Variants in DENND1B observed in about 807,000 individuals in gnomAD.
The protein encoded by DENND1B is DENN domain-containing protein 1B.
A neutral mutation model predicts 90.1 loss-of-function variants in DENND1B; 59 were observed. That is an observed-to-expected ratio of 0.65 (90% CI 0.53 to 0.81). DENND1B has a LOEUF of 0.81. DENND1B is among the 40% of genes least tolerant of loss of function. The pLI, the probability that DENND1B is intolerant of heterozygous loss-of-function variation, is 0.00. For missense variants in DENND1B, 862 were observed against 912.6 expected, an observed-to-expected ratio of 0.94 and a Z score of 0.71; for synonymous variants, 337 against 324.6, an observed-to-expected ratio of 1.04 and a Z score of -0.41.
intron 2 of DENND1B, among the ~76,000 whole-genome samples, chr1:197,767,985 C>G (rs542409431): frequency 4.3e-4 from 66 of 152,312 alleles, no homozygotes; most frequent in South Asian, 1.2e-3. Context: ...CATCATTTCT[C>G]TGTTCTTCAG....
chr1:197,582,804 C>T (rs1674357740), intron 15 of DENND1B, among the ~76,000 whole-genome samples: 1 of 122,360 alleles, frequency 8.2e-6, no homozygotes, highest in Middle Eastern at 3.9e-3. Flanking sequence ...TATCAAAATA[C>T]AGTTTGTTAG....
intron 2 of DENND1B, among the ~76,000 whole-genome samples, chr1:197,756,601 A>G (rs866803547): frequency 0.012 from 1,862 of 149,794 alleles, 40 homozygotes; most frequent in African/African-American, 0.041. Flanking sequence ...AAAAAAAAAA[A>G]AATATGCCCC....
At chr1:197,526,706 T>C (rs1223614912) in intron 20 of DENND1B, among the ~76,000 whole-genome samples, 1 of 152,140 alleles carries the variant, frequency 6.6e-6, no homozygotes, top group Non-Finnish European at 1.5e-5. Context: ...AAGATTATCT[T>C]CCATTATATG....
intron 2 of DENND1B, among the ~76,000 whole-genome samples, chr1:197,769,583 G>T (rs1656143576): frequency 6.6e-6 from 1 of 152,120 alleles, no homozygotes. Context: ...ACGACTTCTT[G>T]TATGAACTAT....
rs1359875149 is a variant in DENND1B at position 197,510,413 on chromosome 1, AT to A, written c.*46del. On this transcript the variant is annotated 3_prime_UTR_variant, in exon 23 of 23. Coordinates refer to ENST00000620048, the MANE Select transcript of DENND1B (RefSeq NM_001195215.2). ...ACAAATAATTCTGTTTATTATACAGATTGCATTGAATCTCAAAATGTCTCCA... is the reference window on the plus strand; with the variant it reads ...ACAAATAATTCTGTTTATTATACAGATGCATTGAATCTCAAAATGTCTCCA... 1 of 1,532,708 alleles carries A rather than the reference AT, an allele frequency of 6.5e-7. No homozygotes were observed. Among genetic ancestry groups the A allele is most frequent in the Admixed American group, 2.1e-5 (1 of 47,880 alleles). The allele number at this position is 1,532,708 out of a possible 1,614,324, so 94.9% of individuals were successfully genotyped here. A position where few individuals can be genotyped will look rare whatever the true frequency, so the allele number is the denominator to read the frequency against.
Position 197,686,236 on chromosome 1 carries a change from T to C in DENND1B, c.127-12067A>G, listed in dbSNP as rs566836517. On this transcript the variant is annotated intron_variant, in intron 3 of 22. Coordinates refer to ENST00000620048, the MANE Select transcript of DENND1B (RefSeq NM_001195215.2). ...TAATTCTCCTGAATAAATTATATCA[T>C]GCCTTCTACTTATTCTTACATTTTA... Among the ~76,000 whole-genome samples, 150 of 152,340 alleles carry C rather than the reference T, an allele frequency of 9.8e-4. 1 individual carries two copies. The highest frequency in any genetic ancestry group is 3.4e-3 in the African/African-American group (143 of 41,588).
chr1:197,733,078 T>G (rs1289470095), intron 2 of DENND1B, among the ~76,000 whole-genome samples: 3 of 151,928 alleles, frequency 2.0e-5, no homozygotes, highest in Non-Finnish European at 4.4e-5. Flanking sequence ...AAAAAAACAA[T>G]GAAGAAAAAG....
intron 15 of DENND1B, among the ~76,000 whole-genome samples, chr1:197,582,464 T>C (rs1041547012): frequency 2.6e-5 from 4 of 152,110 alleles, no homozygotes; most frequent in Non-Finnish European, 4.4e-5. Flanking sequence ...ACACTTAACA[T>C]TGTCATGCGG....
intron 20 of DENND1B, among the ~76,000 whole-genome samples, chr1:197,515,659 C>G (rs1476819742): frequency 6.6e-6 from 1 of 151,794 alleles, no homozygotes; most frequent in African/African-American, 2.4e-5. Context: ...ATAATACATA[C>G]TCAACAGTGT....
At chr1:197,738,041 T>G (rs1006600518) in intron 2 of DENND1B, among the ~76,000 whole-genome samples, 1 of 152,214 alleles carries the variant, frequency 6.6e-6, no homozygotes, top group African/African-American at 2.4e-5. Context: ...TCCTATAATT[T>G]ATTGTCCCTA....
At chr1:197,667,534 A>G (rs1343825999) in intron 5 of DENND1B, among the ~76,000 whole-genome samples, 2 of 152,040 alleles carry the variant, frequency 1.3e-5, no homozygotes, top group African/African-American at 4.8e-5. Context: ...GGTTCAAGCG[A>G]TTCTCCTGCC....
At chr1:197,705,201 T>A (rs1302274755) in intron 3 of DENND1B, among the ~76,000 whole-genome samples, 1 of 152,068 alleles carries the variant, frequency 6.6e-6, no homozygotes, top group Non-Finnish European at 1.5e-5. Context: ...ATACACAGAG[T>A]ACTTGTCTCT....
chr1:197,606,101 T>C (rs895534505), intron 13 of DENND1B: 4 of 151,218 alleles, frequency 2.6e-5, no homozygotes, highest in African/African-American at 9.7e-5. Flanking sequence ...CTTAGAACTA[T>C]GTTATAAAGA....
chr1:197,662,646 C>T (rs553458280), intron 5 of DENND1B, among the ~76,000 whole-genome samples: 1 of 152,016 alleles, frequency 6.6e-6, no homozygotes, highest in Non-Finnish European at 1.5e-5. Context: ...TATACATGTG[C>T]CATGTTGGTG....
intron 2 of DENND1B, among the ~76,000 whole-genome samples, chr1:197,727,801 C>G (rs1398723546): frequency 6.6e-6 from 1 of 152,062 alleles, no homozygotes; most frequent in Non-Finnish European, 1.5e-5. Flanking sequence ...TGGCAGGCTC[C>G]TTTATGTTCC....
At chr1:197,736,958 T>C (rs2102345784) in intron 2 of DENND1B, among the ~76,000 whole-genome samples, 1 of 152,354 alleles carries the variant, frequency 6.6e-6, no homozygotes, top group Non-Finnish European at 1.5e-5. Flanking sequence ...TTCTCAATAC[T>C]AGCATTTATG....
intron 3 of DENND1B, among the ~76,000 whole-genome samples, chr1:197,700,804 A>C (rs954357800): frequency 1.3e-5 from 2 of 152,224 alleles, no homozygotes; most frequent in Non-Finnish European, 2.9e-5. Context: ...ACTCAAAAGA[A>C]GACATTTATG....
intron 2 of DENND1B, among the ~76,000 whole-genome samples, chr1:197,722,928 C>A (rs538713696): frequency 6.6e-6 from 1 of 152,236 alleles, no homozygotes; most frequent in South Asian, 2.1e-4. Flanking sequence ...CTGTGATTAT[C>A]TTCATTCGAA....
At chr1:197,732,424 T>C (rs1662233610) in intron 2 of DENND1B, among the ~76,000 whole-genome samples, 1 of 152,158 alleles carries the variant, frequency 6.6e-6, no homozygotes, top group Admixed American at 6.5e-5. Flanking sequence ...CTCTGTCACC[T>C]TCTCTATCTC....
Sources: gnomAD v4.1 joint callset for allele counts (sites outside exome capture counted in the v4.1 genomes callset) on GRCh38, gnomAD v4.1.1 for gene constraint, MANE v1.5 for transcripts, NCBI Gene and HGNC (gene_info 2026-07-23, HGNC 2026-07-21) for gene names.